Variants in ADAM10 observed in about 807,000 individuals in gnomAD.
The protein encoded by ADAM10 is ADAM metallopeptidase domain 10.
ADAM10 carries 17 observed loss-of-function variants against 90.1 expected under a neutral mutation model. That is an observed-to-expected ratio of 0.19 (90% CI 0.13 to 0.28). The LOEUF is 0.28. Among genes scored for constraint, ADAM10 ranks in the 10% least tolerant of loss-of-function variants. The pLI is 1.00. For missense variants in ADAM10, 610 were observed against 914.3 expected (o/e 0.67, Z 4.29); for synonymous variants, 310 against 298.6 (o/e 1.04, Z -0.40).
At position 58,719,037 on chromosome 15, in the gene ADAM10, T is replaced by C. The variant is rs543313178; in HGVS notation, c.56-1310A>G. Among the ~76,000 whole-genome samples, 8 of 152,292 alleles carry C rather than the reference T, an allele frequency of 5.3e-5. No homozygotes were observed. In the East Asian group the frequency reaches 1.5e-3, roughly 29 times the overall value. On this transcript the variant is annotated intron_variant, in intron 1 of 15. Coordinates refer to ENST00000260408, the MANE Select transcript of ADAM10 (RefSeq NM_001110.4). ...TGATGACCAATGCCTTAAAAACCAT[T>C]GTTTCGCTGGGCGTGGTGGCTCACG...
chr15:58,730,521 A>C (rs766714874), intron 1 of ADAM10, among the ~76,000 whole-genome samples: 3 of 151,850 alleles, frequency 2.0e-5, no homozygotes, highest in Non-Finnish European at 4.4e-5. Context: ...AACAGGTATC[A>C]AATCTTTGGT....
intron 10 of ADAM10, among the ~76,000 whole-genome samples, chr15:58,622,195 G>GT (rs1450766940): frequency 2.0e-5 from 3 of 152,086 alleles, no homozygotes. Context: ...ACTTCAGAAT[G>GT]TATCACTATG....
At chr15:58,659,141 T>C (rs1356776412) in intron 5 of ADAM10, among the ~76,000 whole-genome samples, 1 of 151,878 alleles carries the variant, frequency 6.6e-6, no homozygotes, top group African/African-American at 2.4e-5. Context: ...GGCGTGGTGG[T>C]GCGCACCTGT....
At chr15:58,616,041 C>T (rs574923169) in intron 11 of ADAM10, among the ~76,000 whole-genome samples, 15 of 152,142 alleles carry the variant, frequency 9.9e-5, no homozygotes, top group Admixed American at 9.2e-4. Flanking sequence ...CAAAAAAGAT[C>T]ACTATATAGT....
At chr15:58,639,971 A>T (rs1429979587) in intron 8 of ADAM10, among the ~76,000 whole-genome samples, 2 of 152,102 alleles carry the variant, frequency 1.3e-5, no homozygotes, top group African/African-American at 4.8e-5. Flanking sequence ...TATACTATTG[A>T]TTAAACTCTA....
At chr15:58,730,208 T>C (rs565463060) in intron 1 of ADAM10, among the ~76,000 whole-genome samples, 1 of 152,176 alleles carries the variant, frequency 6.6e-6, no homozygotes, top group South Asian at 2.1e-4. Flanking sequence ...TAGGGATAGG[T>C]ACACCATGGG....
At chr15:58,613,615 A>T (rs1401662091) in intron 11 of ADAM10, among the ~76,000 whole-genome samples, 2 of 152,182 alleles carry the variant, frequency 1.3e-5, no homozygotes, top group Admixed American at 1.3e-4. Flanking sequence ...ATTAAAGAGA[A>T]ACAAAAATCC....
At chr15:58,733,232 G>C (rs1442955046) in intron 1 of ADAM10, 1 of 152,224 alleles carries the variant, frequency 6.6e-6, no homozygotes, top group Non-Finnish European at 1.5e-5. Context: ...TGAGCTGTCA[G>C]CCAGAAGTTG....
In ADAM10 at chr15:58,627,967, G is replaced by A. The variant is rs1443807942; in HGVS notation, c.1177-84C>T. On this transcript the variant is annotated intron_variant, in intron 9 of 15. Transcript: ENST00000260408. The stretch of plus-strand genomic sequence containing the variant: ...CTGATTAAACGTAATGTTCTCATCA[G>A]GAAAACAATGGAAGCTTGTGGACTC... 6 of 1,298,696 alleles carry A rather than the reference G, an allele frequency of 4.6e-6. No homozygotes were observed. In the African/African-American group the frequency reaches 5.9e-5, roughly 13 times the overall value. The allele number at this position is 1,298,696 out of a possible 1,614,324, so 80.4% of individuals were successfully genotyped here. A position where few individuals can be genotyped will look rare whatever the true frequency, so the allele number is the denominator to read the frequency against.
intron 4 of ADAM10, among the ~76,000 whole-genome samples, chr15:58,672,091 A>C (rs376090515): frequency 1.3e-5 from 2 of 152,356 alleles, no homozygotes; most frequent in South Asian, 2.1e-4. Flanking sequence ...TCTCAAAAGA[A>C]AAAACAAAAA....
At position 58,683,709 on chromosome 15, in the gene ADAM10, A is replaced by AACTAGCCAGGCATGGTG. The variant is rs1387084157; in HGVS notation, c.207-1412_207-1396dup. 9.2e-5 allele frequency among the ~76,000 whole-genome samples: 14 copies of AACTAGCCAGGCATGGTG among 151,994 alleles called. No homozygotes were observed. The East Asian group carries it at 2.5e-3, about 27-fold the overall frequency. ...AAACCGTCTCTACTAAAAATACAAAAACTAGCCAGGCATGGTGGCTTGCAC... is the reference window on the plus strand; with the variant it reads ...AAACCGTCTCTACTAAAAATACAAAAACTAGCCAGGCATGGTGACTAGCCAGGCATGGTGGCTTGCAC... On this transcript the variant is annotated intron_variant, in intron 2 of 15. Transcript: ENST00000260408.
rs570842513 is a variant in ADAM10, at chr15:58,620,660, A to ATTTTTT, written c.1511+805_1511+810dup. Among the ~76,000 whole-genome samples, 7 of 59,416 alleles carry ATTTTTT rather than the reference A, an allele frequency of 1.2e-4. 2 individuals are homozygous for ATTTTTT. Among genetic ancestry groups the ATTTTTT allele is most frequent in the Admixed American group, 4.3e-4 (2 of 4,678 alleles). 39.0% of individuals were successfully genotyped at this position (59,416 alleles called of 152,430 possible). On this transcript the variant is annotated intron_variant, in intron 11 of 15. Transcript: ENST00000260408. The stretch of plus-strand genomic sequence containing the variant: ...CACAATAAGTAACTAAAGAATATGT[A>ATTTTTT]TTTTTTTTTTTTTTTTTTTGAGACG...
chr15:58,728,437 A>AT (rs1336179654), intron 1 of ADAM10, among the ~76,000 whole-genome samples: 21 of 151,666 alleles, frequency 1.4e-4, no homozygotes, highest in South Asian at 1.0e-3. Flanking sequence ...AGCTGACTAG[A>AT]TTTTTTTTTA....
intron 2 of ADAM10, among the ~76,000 whole-genome samples, chr15:58,690,576 T>C (rs1264107732): frequency 1.3e-5 from 2 of 152,086 alleles, no homozygotes; most frequent in African/African-American, 2.4e-5. Context: ...AGAGAGGGAA[T>C]GGGGCTTGAT....
chr15:58,662,565 C>T (rs559790880), intron 5 of ADAM10, among the ~76,000 whole-genome samples: 3 of 152,228 alleles, frequency 2.0e-5, no homozygotes, highest in South Asian at 2.1e-4. Flanking sequence ...AGGCTGGTCT[C>T]GCACTCCTGG....
At chr15:58,749,174 C>A (rs1191037613) in intron 1 of ADAM10, 10 of 403,322 alleles carry the variant, frequency 2.5e-5, no homozygotes, top group African/African-American at 1.6e-4. Flanking sequence ...CCGCTCTCAC[C>A]AGGCGACGCG....
chr15:58,593,017 G>A lies in ADAM10; in HGVS notation c.*4530C>T, dbSNP rs1894857627. 1 of 149,602 alleles carries A rather than the reference G, an allele frequency of 6.7e-6. No homozygotes were observed. The highest frequency in any genetic ancestry group is 2.4e-5 in the African/African-American group (1 of 40,904). 9.3% of individuals were successfully genotyped at this position (149,602 alleles called of 1,614,324 possible). ...AGAAAAAAAAAAACATACATCCACA[G>A]AAATATTTAGAGTAGTTAATGTGAT... On this transcript the variant is annotated 3_prime_UTR_variant, in exon 16 of 16. Coordinates refer to ENST00000260408, the MANE Select transcript of ADAM10 (RefSeq NM_001110.4).
At chr15:58,710,087 G>A (rs970064197) in intron 2 of ADAM10, among the ~76,000 whole-genome samples, 32 of 152,114 alleles carry the variant, frequency 2.1e-4, no homozygotes, top group African/African-American at 5.8e-4. Flanking sequence ...AGACCATCCC[G>A]GCCAACATGG....
chr15:58,705,586 C>T lies in ADAM10; in HGVS notation c.206+11991G>A, dbSNP rs112129619. The stretch of plus-strand genomic sequence containing the variant: ...CAAGCTTTAGAAAAGCATTTTACAT[C>T]CAAACCAGACAAATAATAGACATAC... On this transcript the variant is annotated intron_variant, in intron 2 of 15. Transcript: ENST00000260408. Among the ~76,000 whole-genome samples the T allele has an allele frequency of 3.6e-3, 543 of 152,242 alleles. 5 individuals are homozygous for T. Among genetic ancestry groups the T allele is most frequent in the African/African-American group, 0.013 (522 of 41,552 alleles).
Sources: allele counts gnomAD v4.1 joint callset (sites outside exome capture counted in the v4.1 genomes callset), GRCh38; gene constraint gnomAD v4.1.1; transcripts MANE v1.5; gene names NCBI Gene and HGNC (gene_info 2026-07-23, HGNC 2026-07-21).